CREB5: variants seen among roughly 807,000 people sequenced by gnomAD.
The protein encoded by CREB5 is cyclic AMP-responsive element-binding protein 5.
Under a neutral mutation model 57.1 loss-of-function variants are expected in CREB5, and 19 were observed. The observed-to-expected ratio is 0.33, with a 90% CI of 0.23 to 0.49. The LOEUF is 0.49. Ranked by LOEUF, CREB5 falls within the 20% of genes least tolerant of loss-of-function variation. The probability of loss-of-function intolerance (pLI) is 0.99; values close to 1 mark genes in which losing one functional copy is unlikely to be tolerated. For missense variants in CREB5, 579 were observed against 671.6 expected, an observed-to-expected ratio of 0.86 and a Z score of 1.52; for synonymous variants, 238 against 238.3, an observed-to-expected ratio of 1.00 and a Z score of 0.01.
intron 1 of CREB5, among the ~76,000 whole-genome samples, chr7:28,403,642 C>G (rs1022290381): frequency 6.6e-6 from 1 of 152,108 alleles, no homozygotes; most frequent in Non-Finnish European, 1.5e-5. Flanking sequence ...CTCTTGCTGT[C>G]TGCTGCCTTT....
chr7:28,633,832 C>G (rs1333658306), intron 5 of CREB5, among the ~76,000 whole-genome samples: 4 of 152,154 alleles, frequency 2.6e-5, no homozygotes, highest in Admixed American at 6.5e-5. Flanking sequence ...ATCTTCAAAC[C>G]TAAAGGATAA....
intron 1 of CREB5, among the ~76,000 whole-genome samples, chr7:28,350,741 A>C (rs890486044): frequency 6.6e-6 from 1 of 152,066 alleles, no homozygotes; most frequent in Admixed American, 6.5e-5. Context: ...AAGGGTAGGC[A>C]AGGAGAAGAG....
chr7:28,412,354 T>G (rs1168715088), upstream of CREB5, among the ~76,000 whole-genome samples: 1 of 152,204 alleles, frequency 6.6e-6, no homozygotes, highest in Non-Finnish European at 1.5e-5. Context: ...AATTGGACCT[T>G]TAGAGCAGCT....
Position 28,453,178 on chromosome 7 carries a change from CT to C in CREB5, c.4-34996del, listed in dbSNP as rs1789911821. ...ATTGGCCGGGCGTGGTGGCTTATAC[CT>C]ATAATCCCAGCACTTTCGGAGGCCA... is the stretch of plus-strand genomic sequence containing the variant. On this transcript the variant is annotated intron_variant, in intron 1 of 10. Transcript: ENST00000357727. Among the ~76,000 whole-genome samples, 3 of 152,228 alleles carry C rather than the reference CT, an allele frequency of 2.0e-5. No homozygotes were observed. The South Asian group carries it at 6.2e-4, about 32-fold the overall frequency.
chr7:28,725,792 G>A (rs978688445), intron 7 of CREB5, among the ~76,000 whole-genome samples: 3 of 152,114 alleles, frequency 2.0e-5, no homozygotes, highest in Non-Finnish European at 4.4e-5. Context: ...TACTCCCTGT[G>A]GTTTACTTTG....
chr7:28,516,865 C>T (rs996315460), intron 4 of CREB5, among the ~76,000 whole-genome samples: 11 of 152,180 alleles, frequency 7.2e-5, no homozygotes, highest in Non-Finnish European at 1.0e-4. Flanking sequence ...CACTCTCCTC[C>T]GAATGAATCC....
At chr7:28,542,991 A>C (rs1196535672) in intron 4 of CREB5, among the ~76,000 whole-genome samples, 4 of 152,010 alleles carry the variant, frequency 2.6e-5, no homozygotes, top group Non-Finnish European at 5.9e-5. Flanking sequence ...TTTCCTCATC[A>C]TCATAATTGC....
At chr7:28,527,075 T>A (rs1213894165) in intron 4 of CREB5, among the ~76,000 whole-genome samples, 4 of 152,148 alleles carry the variant, frequency 2.6e-5, no homozygotes, top group African/African-American at 9.7e-5. Flanking sequence ...ATCAGGGAAT[T>A]GGAGCTGAGA....
chr7:28,552,238 A>T (rs150975298), intron 4 of CREB5, among the ~76,000 whole-genome samples: 3,148 of 152,236 alleles, frequency 0.021, 123 homozygotes, highest in African/African-American at 0.072. Flanking sequence ...GGGTTTTGCC[A>T]TGTTGCCCAG....
At chr7:28,809,814 G>C (rs559951432) in intron 9 of CREB5, among the ~76,000 whole-genome samples, 1 of 152,290 alleles carries the variant, frequency 6.6e-6, no homozygotes, top group African/African-American at 2.4e-5. Context: ...ACAAACTAAT[G>C]TCTCCAAAGC....
At chr7:28,328,702 TCTCAA>T (rs766155694) in intron 1 of CREB5, among the ~76,000 whole-genome samples, 3 of 152,216 alleles carry the variant, frequency 2.0e-5, no homozygotes, top group Non-Finnish European at 4.4e-5. Context: ...GGGAAGTGGT[TCTCAA>T]ACTTATCAAA....
chr7:28,811,440 A>G (rs1013381559), intron 9 of CREB5, among the ~76,000 whole-genome samples: 7 of 152,124 alleles, frequency 4.6e-5, no homozygotes, highest in African/African-American at 7.2e-5. Context: ...ACCTCACTCC[A>G]TTGCCCAGGC....
chr7:28,744,881 T>C (rs1804606416), intron 7 of CREB5, among the ~76,000 whole-genome samples: 1 of 152,236 alleles, frequency 6.6e-6, no homozygotes, highest in East Asian at 1.9e-4. Context: ...GGGAGTTCTC[T>C]AAGGATCTGT....
At chr7:28,320,214 G>A (rs1785470225) in intron 1 of CREB5, among the ~76,000 whole-genome samples, 1 of 152,160 alleles carries the variant, frequency 6.6e-6, no homozygotes, top group Admixed American at 6.5e-5. Context: ...ACAGGCATGA[G>A]CCACCACGCC....
chr7:28,652,403 A>G (rs1799168982), intron 5 of CREB5, among the ~76,000 whole-genome samples: 1 of 152,170 alleles, frequency 6.6e-6, no homozygotes, highest in African/African-American at 2.4e-5. Flanking sequence ...AATGGTTCTG[A>G]TTTTTAAAGT....
chr7:28,679,065 T>TA (rs1246946858), intron 5 of CREB5, among the ~76,000 whole-genome samples: 1 of 151,078 alleles, frequency 6.6e-6, no homozygotes, highest in Non-Finnish European at 1.5e-5. Context: ...TTTTTTTTTT[T>TA]TTTTCATTTA....
intron 4 of CREB5, among the ~76,000 whole-genome samples, chr7:28,525,958 C>T (rs887795656): frequency 2.0e-5 from 3 of 152,130 alleles, no homozygotes; most frequent in Admixed American, 6.5e-5. Flanking sequence ...CTCGATAATT[C>T]TAATTCTCTT....
chr7:28,436,953 A>G (rs889567706), intron 1 of CREB5, among the ~76,000 whole-genome samples: 14 of 152,142 alleles, frequency 9.2e-5, no homozygotes, highest in African/African-American at 2.9e-4. Flanking sequence ...GAGGCAAATG[A>G]TGAAAAGCCC....
At position 28,460,876 on chromosome 7, in the gene CREB5, G is replaced by A. The variant is rs1464092199; in HGVS notation, c.4-27299G>A. Among the ~76,000 whole-genome samples, 4 of 152,036 alleles carry A rather than the reference G, an allele frequency of 2.6e-5. No homozygotes were observed. In the East Asian group the frequency reaches 7.7e-4, roughly 29 times the overall value. On this transcript the variant is annotated intron_variant, in intron 1 of 10. Transcript: ENST00000357727. ...GAAAAGGAGAAGAAAGCCTGGAAGGGCTGGAAGAAAGTGTATAAAAGAGAT... is the reference window on the plus strand; with the variant it reads ...GAAAAGGAGAAGAAAGCCTGGAAGGACTGGAAGAAAGTGTATAAAAGAGAT...
Sources: gnomAD v4.1 joint callset for allele counts (sites outside exome capture counted in the v4.1 genomes callset) on GRCh38, gnomAD v4.1.1 for gene constraint, MANE v1.5 for transcripts, NCBI Gene and HGNC (gene_info 2026-07-23, HGNC 2026-07-21) for gene names.